The following NBEA variants were observed in gnomAD, a reference collection of about 807,000 sequenced individuals.
NBEA encodes neurobeachin.
Under a neutral mutation model 343.4 loss-of-function variants are expected in NBEA, and 44 were observed. The ratio of observed to expected loss-of-function variants is 0.13; its 90% CI spans 0.10 to 0.16. NBEA has a LOEUF of 0.16. Ranked by LOEUF, NBEA falls within the 10% of genes least tolerant of loss-of-function variation. The pLI is 1.00. For synonymous variants in NBEA, 1,175 were observed against 1,238.7 expected (o/e 0.95, Z 1.08); for missense variants, 2,555 against 3,631.3 (o/e 0.70, Z 7.62).
chr13:35,494,839 A>G (rs1378024796), intron 41 of NBEA, among the ~76,000 whole-genome samples: 1 of 151,770 alleles, frequency 6.6e-6, no homozygotes, highest in Non-Finnish European at 1.5e-5. Flanking sequence ...GCAAAACTCC[A>G]TCTCTACAAA....
At chr13:35,214,858 T>C (rs1195189834) in intron 33 of NBEA, among the ~76,000 whole-genome samples, 1 of 151,806 alleles carries the variant, frequency 6.6e-6, no homozygotes, top group Non-Finnish European at 1.5e-5. Context: ...CTGTTTTGAC[T>C]TAGTTTTTGT....
intron 34 of NBEA, among the ~76,000 whole-genome samples, chr13:35,241,920 A>T (rs192001118): frequency 6.6e-6 from 1 of 152,018 alleles, no homozygotes; most frequent in African/African-American, 2.4e-5. Flanking sequence ...GAAGGGAAAG[A>T]ATGGAACTTG....
chr13:35,211,996 C>T (rs921059431), intron 33 of NBEA, among the ~76,000 whole-genome samples: 6 of 80,738 alleles, frequency 7.4e-5, no homozygotes, highest in Admixed American at 4.5e-4. Flanking sequence ...ATTGTGTATA[C>T]GTGTACACAC....
intron 38 of NBEA, among the ~76,000 whole-genome samples, chr13:35,429,203 A>C (rs1184393873): frequency 6.6e-6 from 1 of 152,198 alleles, no homozygotes; most frequent in African/African-American, 2.4e-5. Flanking sequence ...GTTACCAGCC[A>C]GCAGAGATGA....
chr13:35,470,997 C>T (rs1566180908), intron 40 of NBEA, among the ~76,000 whole-genome samples: 1 of 152,144 alleles, frequency 6.6e-6, no homozygotes, highest in Admixed American at 6.5e-5. Flanking sequence ...AGGCCGAGGC[C>T]CAGAGTCCGC....
chr13:35,658,180 T>C (rs371542911), intron 55 of NBEA, among the ~76,000 whole-genome samples: 6 of 152,188 alleles, frequency 3.9e-5, no homozygotes, highest in East Asian at 1.9e-4. Flanking sequence ...CAGTGTCATA[T>C]TTTAGTTTTA....
At chr13:35,162,635 G>A (rs1473757793) in intron 23 of NBEA, among the ~76,000 whole-genome samples, 1 of 150,328 alleles carries the variant, frequency 6.7e-6, no homozygotes, top group Non-Finnish European at 1.5e-5. Context: ...TTTAAAGGAA[G>A]CCCGTCAAGA....
chr13:35,110,240 A>G (rs2066133897), intron 12 of NBEA, among the ~76,000 whole-genome samples: 1 of 142,222 alleles, frequency 7.0e-6, no homozygotes, highest in Non-Finnish European at 1.5e-5. Flanking sequence ...CAGCCAAAAA[A>G]CACATGAAGA....
chr13:35,164,227 T>G, intron 23 of NBEA, 129 bp from the exon 24 acceptor site: 3 of 797,582 alleles, frequency 3.8e-6, no homozygotes, highest in Middle Eastern at 7.7e-4. Context: ...TAAATTGCTT[T>G]ATTTTATAAT....
chr13:35,666,334 T>A (rs1167102832), intron 56 of NBEA, among the ~76,000 whole-genome samples: 1 of 148,928 alleles, frequency 6.7e-6, no homozygotes, highest in Non-Finnish European at 1.5e-5. Context: ...AACCCAGAAA[T>A]GGACACATAG....
chr13:35,502,166 G>T (rs1303891017), intron 41 of NBEA, among the ~76,000 whole-genome samples: 1 of 152,048 alleles, frequency 6.6e-6, no homozygotes, highest in African/African-American at 2.4e-5. Flanking sequence ...ATGTGATCTG[G>T]TCAGCAAGTT....
At chr13:35,108,396 A>G (rs2152655260) in intron 11 of NBEA, among the ~76,000 whole-genome samples, 1 of 152,136 alleles carries the variant, frequency 6.6e-6, no homozygotes, top group Admixed American at 6.6e-5. Context: ...ATTCTAGTAT[A>G]GCATTGTCCA....
intron 44 of NBEA, among the ~76,000 whole-genome samples, chr13:35,565,982 A>G (rs146131574): frequency 6.6e-6 from 1 of 152,186 alleles, no homozygotes; most frequent in Non-Finnish European, 1.5e-5. Context: ...TCCACTCGCA[A>G]ATTCTCTGCA....
chr13:35,499,756 C>A (rs2076815710), intron 41 of NBEA, among the ~76,000 whole-genome samples: 1 of 152,056 alleles, frequency 6.6e-6, no homozygotes, highest in South Asian at 2.1e-4. Context: ...TCCTAAGTTT[C>A]TCCCCTCAGA....
intron 36 of NBEA, among the ~76,000 whole-genome samples, chr13:35,337,766 C>G (rs994894605): frequency 6.6e-6 from 1 of 152,022 alleles, no homozygotes; most frequent in Non-Finnish European, 1.5e-5. Context: ...TGAAAGCATG[C>G]ATTTTATCTT....
intron 36 of NBEA, among the ~76,000 whole-genome samples, chr13:35,340,226 A>C (rs986426750): frequency 6.6e-6 from 1 of 152,162 alleles, no homozygotes; most frequent in Non-Finnish European, 1.5e-5. Context: ...TAAAGCAACC[A>C]AAATGCCCAT....
At position 35,164,391 on chromosome 13, in the gene NBEA, G is replaced by A. The variant is rs1460260388; in HGVS notation, c.4115G>A (p.Ser1372Asn). The A allele has an allele frequency of 2.5e-6, 4 of 1,588,590 alleles. No homozygotes were observed. Among genetic ancestry groups the A allele is most frequent in the Non-Finnish European group, 3.4e-6 (4 of 1,165,396 alleles). The change falls in exon 24 of 59, where the codon AGC becomes AAC. Residue 1372 changes from serine to asparagine, a missense_variant. This residue lies in a region of NBEA where 69 missense variants were observed against 128.8 expected (regional missense o/e 0.54). Transcript: ENST00000379939. ...AAGTCTGTAATGGATTTTGTCAATAGCAATGAAAATATTATTTTTGTACAT... is the reference window on the plus strand; with the variant it reads ...AAGTCTGTAATGGATTTTGTCAATAACAATGAAAATATTATTTTTGTACAT... Reference protein sequence around the residue: ...STKSVMDFVNSNENIIFVHNT... With the variant: ...STKSVMDFVNNNENIIFVHNT...
chr13:35,387,968 G>A (rs1215024612), intron 38 of NBEA, among the ~76,000 whole-genome samples: 2 of 152,060 alleles, frequency 1.3e-5, no homozygotes. Context: ...CCTCTTAATA[G>A]AGGAAAATCT....
At chr13:35,031,623 C>T (rs1293349156) in intron 1 of NBEA, among the ~76,000 whole-genome samples, 1 of 151,396 alleles carries the variant, frequency 6.6e-6, no homozygotes, top group African/African-American at 2.4e-5. Flanking sequence ...TCATTTCATG[C>T]TCCCAACAAT....
Sources: allele counts gnomAD v4.1 joint callset (sites outside exome capture counted in the v4.1 genomes callset), GRCh38; gene constraint gnomAD v4.1.1; regional missense constraint gnomAD v4.1.1; transcripts MANE v1.5; gene names NCBI Gene and HGNC (gene_info 2026-07-23, HGNC 2026-07-21).